The following RPTOR variants were observed in gnomAD, a reference collection of about 807,000 sequenced individuals.
RPTOR encodes regulatory associated protein of MTOR complex 1, also known as regulatory-associated protein of mTOR.
Under a neutral mutation model 169.9 loss-of-function variants are expected in RPTOR, and 21 were observed. The observed-to-expected ratio is 0.12, with a 90% CI of 0.09 to 0.18. The LOEUF (loss-of-function observed/expected upper bound fraction) is 0.18, where lower values mean the gene tolerates loss of function less well. RPTOR is among the 10% of genes least tolerant of loss of function. The pLI is 1.00. For missense variants in RPTOR, 1,133 were observed against 1,855.9 expected (o/e 0.61, Z 7.16); for synonymous variants, 732 against 753.2 (o/e 0.97, Z 0.46).
At chr17:80,724,951 C>T (rs928929279) in intron 4 of RPTOR, among the ~76,000 whole-genome samples, 4 of 152,194 alleles carry the variant, frequency 2.6e-5, no homozygotes, top group African/African-American at 2.4e-5. Flanking sequence ...CTTGCCACCA[C>T]GCCCCTTGCC....
intron 7 of RPTOR, among the ~76,000 whole-genome samples, chr17:80,806,933 A>C (rs532968309): frequency 9.2e-5 from 14 of 152,124 alleles, no homozygotes; most frequent in Non-Finnish European, 1.8e-4. Context: ...TTTTGACCAC[A>C]TGCATTAACC....
At chr17:80,706,528 C>A (rs1425162155) in intron 3 of RPTOR, among the ~76,000 whole-genome samples, 1 of 152,168 alleles carries the variant, frequency 6.6e-6, no homozygotes, top group Non-Finnish European at 1.5e-5. Flanking sequence ...ACTATGTAAA[C>A]ACTGTTCTCA....
chr17:80,935,315 A>G (rs1369214886), intron 24 of RPTOR, among the ~76,000 whole-genome samples: 1 of 152,214 alleles, frequency 6.6e-6, no homozygotes, highest in Non-Finnish European at 1.5e-5. Flanking sequence ...ACCCCAATCA[A>G]AACCCCAATA....
rs899266882 is a variant in RPTOR, at chr17:80,964,310, G to A, written c.3988G>A (p.Val1330Met). The change falls in exon 34 of 34, where the codon GTG becomes ATG. Residue 1330 changes from valine (V) to methionine (M), a missense_variant. Physicochemically the swap from Val to Met is conservative, Grantham distance 21 (BLOSUM62 1). Around this residue, in one of 9 missense-constraint regions of RPTOR, gnomAD observed 410 missense variants for 623.7 expected, o/e 0.66. Coordinates refer to ENST00000306801, the MANE Select transcript of RPTOR (RefSeq NM_020761.3). The part of the protein sequence containing the change: ...SNDYYISVYS[V>M]EKRVR ...CGACTACTACATCTCCGTGTACTCG[G>A]TGGAGAAGCGTGTCAGATAGCGGCG... 3 of 1,608,348 alleles carry A rather than the reference G, an allele frequency of 1.9e-6. No homozygotes were observed. The highest frequency in any genetic ancestry group is 1.3e-5 in the African/African-American group (1 of 75,024).
chr17:80,768,154 G>T (rs72852717), intron 6 of RPTOR, among the ~76,000 whole-genome samples: 1 of 152,130 alleles, frequency 6.6e-6, no homozygotes, highest in South Asian at 2.1e-4. Context: ...GAGCCACCGC[G>T]CCTGACCACG....
intron 6 of RPTOR, among the ~76,000 whole-genome samples, chr17:80,765,748 C>T (rs774411507): frequency 6.6e-6 from 1 of 152,150 alleles, no homozygotes; most frequent in African/African-American, 2.4e-5. Flanking sequence ...TTCTTTTTCT[C>T]TCGTTATGGA....
At chr17:80,757,390 G>A (rs1567896387) in intron 6 of RPTOR, among the ~76,000 whole-genome samples, 1 of 152,250 alleles carries the variant, frequency 6.6e-6, no homozygotes, top group East Asian at 1.9e-4. Flanking sequence ...ATCCTTGTTT[G>A]TTTGCTCTGT....
intron 5 of RPTOR, among the ~76,000 whole-genome samples, chr17:80,745,354 CAGGCTGG>C (rs1268046897): frequency 6.6e-6 from 1 of 152,174 alleles, no homozygotes; most frequent in Non-Finnish European, 1.5e-5. Context: ...CTTGGAAGGG[CAGGCTGG>C]AGGCTTCTGC....
At chr17:80,951,130 G>A (rs745355473) in intron 28 of RPTOR, among the ~76,000 whole-genome samples, 8 of 151,208 alleles carry the variant, frequency 5.3e-5, no homozygotes, top group Non-Finnish European at 8.9e-5. Context: ...GCATCCACAC[G>A]TCCACACCCG....
At chr17:80,922,869 C>T (rs985453708) in intron 22 of RPTOR, 42 bp downstream of exon 22, 11 of 1,494,840 alleles carry the variant, frequency 7.4e-6, no homozygotes, top group African/African-American at 4.2e-5. Flanking sequence ...TGGTGGTGAC[C>T]GGGGCCCCAC....
rs138727611 is a variant in RPTOR, at chr17:80,957,363, G to T, written c.3371-261G>T. ...AGCTTAGAACTGTCACCCCAGCCTG[G>T]ACTTGGGAGTTCCAGCTCAGAATTG... is the stretch of plus-strand genomic sequence containing the variant. On this transcript the variant is annotated intron_variant, in intron 28 of 33. Coordinates refer to ENST00000306801, the MANE Select transcript of RPTOR (RefSeq NM_020761.3). This position sits in a 1 kb window ranked among gnomAD's most constrained non-coding sequence, Gnocchi z 4.6. Among the ~76,000 whole-genome samples the T allele has an allele frequency of 0.021, 3,230 of 151,840 alleles. 123 individuals carry two copies. Among genetic ancestry groups the T allele is most frequent in the African/African-American group, 0.075 (3,086 of 41,286 alleles).
chr17:80,964,223 G>T (rs373100364), intron 33 of RPTOR, 39 bp from the exon 34 acceptor site: 2 of 982,138 alleles, frequency 2.0e-6, no homozygotes, highest in South Asian at 1.3e-5. Context: ...GTGTCTGCCC[G>T]CACCTGAACC....
At chr17:80,587,072 G>A (rs1456496379) in intron 1 of RPTOR, among the ~76,000 whole-genome samples, 1 of 152,242 alleles carries the variant, frequency 6.6e-6, no homozygotes, top group African/African-American at 2.4e-5. Flanking sequence ...AGTATGCGGT[G>A]GAATATCCAG....
At chr17:80,635,006 A>G (rs371463145) in intron 2 of RPTOR, among the ~76,000 whole-genome samples, 1 of 152,184 alleles carries the variant, frequency 6.6e-6, no homozygotes, top group Non-Finnish European at 1.5e-5. Context: ...CTACATGTAC[A>G]TTCATGCCTC....
At position 80,740,736 on chromosome 17, in the gene RPTOR, T is replaced by C. The variant is rs184413304; in HGVS notation, c.654+10030T>C. Among the ~76,000 whole-genome samples, 100 of 152,290 alleles carry C rather than the reference T, an allele frequency of 6.6e-4. 2 individuals are homozygous for C. In the South Asian group the frequency reaches 8.5e-3, roughly 13 times the overall value. ...GAGAAAACAAACAAAAAAAAAACTT[T>C]CAGTGAACTAAGAATAGAGAAGAAC... On this transcript the variant is annotated intron_variant, in intron 5 of 33. Coordinates refer to ENST00000306801, the MANE Select transcript of RPTOR (RefSeq NM_020761.3).
intron 3 of RPTOR, among the ~76,000 whole-genome samples, chr17:80,697,301 A>T (rs2066045154): frequency 6.6e-6 from 1 of 152,236 alleles, no homozygotes; most frequent in Non-Finnish European, 1.5e-5. Flanking sequence ...TGATTGGTTA[A>T]AAGGCATTAT....
chr17:80,806,216 C>G (rs74001074), intron 7 of RPTOR, among the ~76,000 whole-genome samples: 70 of 152,250 alleles, frequency 4.6e-4, no homozygotes, highest in African/African-American at 1.6e-3. Context: ...TTTCGGTAAC[C>G]CTGAGCCAGT....
chr17:80,709,474 C>T (rs1439065589), intron 4 of RPTOR, among the ~76,000 whole-genome samples: 2 of 152,228 alleles, frequency 1.3e-5, no homozygotes, highest in African/African-American at 2.4e-5. Flanking sequence ...GACGCTGGCG[C>T]GCTCTTCCGC....
At chr17:80,584,632 C>T (rs2065043839) in intron 1 of RPTOR, among the ~76,000 whole-genome samples, 2 of 152,236 alleles carry the variant, frequency 1.3e-5, no homozygotes, top group Non-Finnish European at 2.9e-5. Flanking sequence ...TTTCCCACAA[C>T]CTTTCCCCTT....
Sources: gnomAD v4.1 joint callset for allele counts (sites outside exome capture counted in the v4.1 genomes callset) on GRCh38, gnomAD v4.1.1 for gene constraint, gnomAD v4.1.1 regional missense constraint, Gnocchi (gnomAD v3.1) non-coding constraint, MANE v1.5 for transcripts, NCBI Gene and HGNC (gene_info 2026-07-23, HGNC 2026-07-21) for gene names.